DIP2A: variants seen among roughly 807,000 people sequenced by gnomAD.
The protein encoded by DIP2A is DIP2 acetate--CoA ligase A.
In DIP2A, 85 loss-of-function variants were observed where a neutral mutation model predicts 177.4. The ratio of observed to expected loss-of-function variants is 0.48; its 90% CI spans 0.40 to 0.57. DIP2A has a LOEUF of 0.57. Ranked by LOEUF, DIP2A falls within the 20% of genes least tolerant of loss-of-function variation. DIP2A has a pLI of 0.00. For synonymous variants in DIP2A, 886 were observed against 881.8 expected (o/e 1.00, Z -0.08); for missense variants, 1,791 against 2,100.2 (o/e 0.85, Z 2.88).
intron 6 of DIP2A, among the ~76,000 whole-genome samples, chr21:46,507,802 G>A (rs2058095449): frequency 6.8e-6 from 1 of 147,368 alleles, no homozygotes. Context: ...CTGGTGTCAA[G>A]CGATTCTCCT....
At chr21:46,490,442 C>T (rs2056945905) in intron 2 of DIP2A, among the ~76,000 whole-genome samples, 158 bp from the exon 3 acceptor site, 1 of 152,150 alleles carries the variant, frequency 6.6e-6, no homozygotes, top group Non-Finnish European at 1.5e-5. Context: ...TTGCCCTTAA[C>T]CCACAGCATT....
At chr21:46,484,408 G>A (rs570094434) in intron 1 of DIP2A, among the ~76,000 whole-genome samples, 65 of 152,216 alleles carry the variant, frequency 4.3e-4, no homozygotes, top group African/African-American at 1.1e-3. Flanking sequence ...AAATTCTCTT[G>A]TCTTTTCCTC....
At chr21:46,532,924 A>G (rs1260361831) in intron 10 of DIP2A, among the ~76,000 whole-genome samples, 3 of 152,268 alleles carry the variant, frequency 2.0e-5, no homozygotes, top group Non-Finnish European at 2.9e-5. Context: ...CATTATCCAG[A>G]AATATTCAAG....
At chr21:46,550,955 C>G (rs2060250749) in intron 23 of DIP2A, among the ~76,000 whole-genome samples, 1 of 152,228 alleles carries the variant, frequency 6.6e-6, no homozygotes, top group African/African-American at 2.4e-5. Context: ...ACCACATCAC[C>G]TGCATGGTGG....
intron 33 of DIP2A, chr21:46,560,994 A>T: frequency 1.0e-6 from 1 of 985,060 alleles, no homozygotes; most frequent in Non-Finnish European, 1.2e-6. Context: ...TGTGTGCCCC[A>T]CTCCGGGCGT....
chr21:46,504,894 T>C (rs892733130), intron 6 of DIP2A, among the ~76,000 whole-genome samples: 1 of 152,184 alleles, frequency 6.6e-6, no homozygotes, highest in Admixed American at 6.5e-5. Context: ...CCCTACACTC[T>C]CCATCTTCAG....
At chr21:46,538,343 G>T in intron 15 of DIP2A, 140 bp from the exon 16 acceptor site, 2 of 1,264,316 alleles carry the variant, frequency 1.6e-6, no homozygotes, top group Non-Finnish European at 1.1e-6. Flanking sequence ...CGGCTGCAGA[G>T]AGCTTGTGAC....
downstream of DIP2A, among the ~76,000 whole-genome samples, chr21:46,573,407 C>G (rs1265790278): frequency 6.6e-6 from 1 of 151,708 alleles, no homozygotes; most frequent in Non-Finnish European, 1.5e-5. Flanking sequence ...TGTCTGTAAT[C>G]CCAGCGCTTT....
intron 1 of DIP2A, among the ~76,000 whole-genome samples, chr21:46,472,321 C>T (rs980060956): frequency 6.6e-6 from 1 of 152,314 alleles, no homozygotes. Flanking sequence ...TTGTTTAAGT[C>T]GCCCACTCTG....
At chr21:46,527,325 GTTTTTTTTT>G (rs58453285) in intron 8 of DIP2A, among the ~76,000 whole-genome samples, 1 of 105,586 alleles carries the variant, frequency 9.5e-6, no homozygotes, top group African/African-American at 3.7e-5. Context: ...TTGAGTTGAG[GTTTTTTTTT>G]TTTTTTTTTT....
chr21:46,468,673 G>A (rs2055078320), intron 1 of DIP2A, among the ~76,000 whole-genome samples: 1 of 152,118 alleles, frequency 6.6e-6, no homozygotes, highest in African/African-American at 2.4e-5. Context: ...TTAAAAATTT[G>A]TTAAGAGAGT....
chr21:46,493,561 CT>C (rs56018558), intron 3 of DIP2A, among the ~76,000 whole-genome samples: 53,308 of 151,984 alleles, frequency 0.35, 9,700 homozygotes, highest in Middle Eastern at 0.45. Context: ...AGGTTTAACA[CT>C]TTTTGTCTTC....
chr21:46,492,401 A>G (rs1350486221), intron 3 of DIP2A, among the ~76,000 whole-genome samples: 1 of 152,192 alleles, frequency 6.6e-6, no homozygotes, highest in East Asian at 1.9e-4. Flanking sequence ...TACCTTAATA[A>G]TAAGTGTTAA....
chr21:46,530,539 A>G (rs2059312856), intron 9 of DIP2A, among the ~76,000 whole-genome samples: 1 of 152,236 alleles, frequency 6.6e-6, no homozygotes, highest in African/African-American at 2.4e-5. Context: ...AAGATGTTTC[A>G]TAAGTCAAGA....
chr21:46,548,218 G>A lies in DIP2A; in HGVS notation c.2522+1176G>A, dbSNP rs149101231. Among the ~76,000 whole-genome samples, 469 of 151,976 alleles carry A rather than the reference G, an allele frequency of 3.1e-3. 5 individuals are homozygous for A. Among genetic ancestry groups the A allele is most frequent in the African/African-American group, 9.3e-3 (384 of 41,342 alleles). ...TGTGTGTGTGTGTGTGTTTGTGTGCGCCTGCGTGCAGGGGGAGGGTGGCAC... is the reference window on the plus strand; with the variant it reads ...TGTGTGTGTGTGTGTGTTTGTGTGCACCTGCGTGCAGGGGGAGGGTGGCAC... On this transcript the variant is annotated intron_variant, in intron 21 of 37. Transcript: ENST00000417564.
At chr21:46,472,900 T>C (rs1015184307) in intron 1 of DIP2A, among the ~76,000 whole-genome samples, 5 of 152,172 alleles carry the variant, frequency 3.3e-5, no homozygotes, top group Non-Finnish European at 5.9e-5. Flanking sequence ...TCTGCTACGA[T>C]GGGAAAGTTC....
At chr21:46,483,717 G>A (rs573647200) in intron 1 of DIP2A, among the ~76,000 whole-genome samples, 1 of 152,322 alleles carries the variant, frequency 6.6e-6, no homozygotes, top group East Asian at 1.9e-4. Flanking sequence ...ACTCAATTAT[G>A]TACTCAATAA....
chr21:46,484,878 C>T, intron 2 of DIP2A, 50 bp downstream of exon 2: 1 of 1,464,174 alleles, frequency 6.8e-7, no homozygotes, highest in Non-Finnish European at 9.1e-7. Context: ...TGTTTCATAA[C>T]ATGTGATTTT....
chr21:46,533,630 A>T lies in DIP2A; in HGVS notation c.1412A>T (p.Glu471Val). ...GGCCTCCCCAAGGCACAGACAGGAG[A>T]GGTGGCAGCTTTCAAAGGTGAGGCC... ...QKGLPKAQTG[E>V]VAAFKGWPPL... The change falls in exon 11 of 38, where the codon GAG becomes GTG. Residue 471 changes from glutamate (E) to valine (V), a missense_variant. Physicochemically the swap from Glu to Val is moderately radical, Grantham distance 121. Coordinates refer to ENST00000417564, the MANE Select transcript of DIP2A (RefSeq NM_015151.4). 6.2e-7 allele frequency: 1 copy of T among 1,613,962 alleles called. No individual in the cohort carries two copies. The highest frequency in any genetic ancestry group is 8.5e-7 in the Non-Finnish European group (1 of 1,179,876).
Sources: gnomAD v4.1 joint callset for allele counts (sites outside exome capture counted in the v4.1 genomes callset) on GRCh38, gnomAD v4.1.1 for gene constraint, MANE v1.5 for transcripts, NCBI Gene and HGNC (gene_info 2026-07-23, HGNC 2026-07-21) for gene names.